Variants in CA10 observed in about 807,000 individuals in gnomAD.
CA10 encodes the protein carbonic anhydrase-related protein 10.
In CA10, 14 loss-of-function variants were observed where a neutral mutation model predicts 44.2. That is an observed-to-expected ratio of 0.32 (90% CI 0.21 to 0.50). The LOEUF is 0.50. CA10 is among the 20% of genes least tolerant of loss of function. The pLI is 0.99. For synonymous variants in CA10, 159 were observed against 141.6 expected (o/e 1.12, Z -0.87); for missense variants, 350 against 409.7 (o/e 0.85, Z 1.26).
chr17:51,803,947 A>G (rs1369907574), intron 3 of CA10, among the ~76,000 whole-genome samples: 1 of 152,144 alleles, frequency 6.6e-6, no homozygotes, highest in Non-Finnish European at 1.5e-5. Context: ...CCAGGAGCTG[A>G]GCTATTTGGT....
intron 3 of CA10, among the ~76,000 whole-genome samples, chr17:51,783,829 G>C (rs1043381934): frequency 6.6e-6 from 1 of 152,184 alleles, no homozygotes; most frequent in Non-Finnish European, 1.5e-5. Flanking sequence ...AGGTTCTGAG[G>C]TTCATCCTGG....
chr17:51,666,505 G>A (rs11656762), intron 4 of CA10, among the ~76,000 whole-genome samples: 98,609 of 151,914 alleles, frequency 0.65, 32,248 homozygotes, highest in Admixed American at 0.68. Flanking sequence ...ACCCTTTACT[G>A]TAGCGCCTTT....
At chr17:52,012,013 AG>A (rs1221986729) in intron 2 of CA10, among the ~76,000 whole-genome samples, 1 of 152,014 alleles carries the variant, frequency 6.6e-6, no homozygotes, top group Non-Finnish European at 1.5e-5. Context: ...TGAATAAGGG[AG>A]GGATTAGCCA....
At chr17:51,849,107 A>ATG (rs752872968) in intron 3 of CA10, among the ~76,000 whole-genome samples, 241 of 146,268 alleles carry the variant, frequency 1.6e-3, no homozygotes, top group Non-Finnish European at 2.6e-3. Flanking sequence ...ATGTATATAT[A>ATG]TGTGTGTGTA....
At chr17:51,954,092 G>A (rs559297816) in intron 2 of CA10, among the ~76,000 whole-genome samples, 10 of 152,186 alleles carry the variant, frequency 6.6e-5, no homozygotes, top group East Asian at 3.9e-4. Flanking sequence ...GAAAACTGAG[G>A]TTCAAAGATA....
intron 2 of CA10, among the ~76,000 whole-genome samples, chr17:51,986,779 G>A (rs1406488062): frequency 2.0e-5 from 3 of 151,952 alleles, no homozygotes; most frequent in Non-Finnish European, 4.4e-5. Flanking sequence ...CTAATGATCA[G>A]GGAAATGCAA....
At chr17:51,973,457 G>A (rs1984353694) in intron 2 of CA10, among the ~76,000 whole-genome samples, 3 of 152,176 alleles carry the variant, frequency 2.0e-5, no homozygotes, top group African/African-American at 4.8e-5. Context: ...GTATTACAGT[G>A]TACATAAGCA....
intron 3 of CA10, among the ~76,000 whole-genome samples, chr17:51,770,848 G>A (rs1905579307): frequency 1.3e-5 from 2 of 151,986 alleles, no homozygotes; most frequent in Admixed American, 6.6e-5. Flanking sequence ...GATCTCAGCC[G>A]GGCGCAGTGG....
intron 4 of CA10, among the ~76,000 whole-genome samples, chr17:51,671,287 C>T (rs1914410518): frequency 6.6e-6 from 1 of 152,276 alleles, no homozygotes; most frequent in African/African-American, 2.4e-5. Flanking sequence ...ATAGTCCAAT[C>T]CTGACTTTTC....
intron 3 of CA10, among the ~76,000 whole-genome samples, chr17:51,754,418 T>G (rs1905011241): frequency 1.3e-5 from 1 of 74,924 alleles, no homozygotes; most frequent in African/African-American, 4.5e-5. Flanking sequence ...TATATATATA[T>G]ATATATATAT....
chr17:51,871,050 C>CTTTTTT (rs56319440), intron 3 of CA10, among the ~76,000 whole-genome samples: 1 of 94,854 alleles, frequency 1.1e-5, no homozygotes, highest in Non-Finnish European at 2.2e-5. Context: ...TCCCACTTTA[C>CTTTTTT]TTTTTTTTTT....
intron 6 of CA10, among the ~76,000 whole-genome samples, chr17:51,642,418 G>A (rs1205835399): frequency 1.3e-5 from 2 of 152,166 alleles, no homozygotes; most frequent in East Asian, 3.9e-4. Context: ...GCAGTTCCAA[G>A]TTGATCTGTC....
At chr17:51,862,308 C>A (rs534186751) in intron 3 of CA10, among the ~76,000 whole-genome samples, 2 of 152,242 alleles carry the variant, frequency 1.3e-5, no homozygotes, top group South Asian at 4.2e-4. Context: ...CCCTTTTGCA[C>A]TGAGATTCTC....
At chr17:51,912,139 C>T (rs1031951448) in intron 3 of CA10, among the ~76,000 whole-genome samples, 1 of 152,160 alleles carries the variant, frequency 6.6e-6, no homozygotes, top group African/African-American at 2.4e-5. Context: ...GTATAGCAAA[C>T]TTGATGGAAT....
chr17:52,075,913 C>T (rs765552820), intron 1 of CA10, among the ~76,000 whole-genome samples: 5 of 152,156 alleles, frequency 3.3e-5, no homozygotes, highest in Non-Finnish European at 7.4e-5. Flanking sequence ...CACCCCATTA[C>T]CCCATTATAT....
chr17:51,864,603 A>G (rs1003126193), intron 3 of CA10, among the ~76,000 whole-genome samples: 10 of 152,144 alleles, frequency 6.6e-5, no homozygotes, highest in Non-Finnish European at 8.8e-5. Flanking sequence ...ACACCTTTTC[A>G]ATGGGATTTT....
chr17:51,938,188 G>T (rs781447069), intron 2 of CA10, among the ~76,000 whole-genome samples: 4 of 152,160 alleles, frequency 2.6e-5, no homozygotes, highest in Non-Finnish European at 5.9e-5. Context: ...TCACAGAGCT[G>T]TTGGGAAGAT....
At chr17:51,682,792 C>T (rs1370995833) in intron 4 of CA10, among the ~76,000 whole-genome samples, 2 of 132,310 alleles carry the variant, frequency 1.5e-5, no homozygotes, top group East Asian at 2.2e-4. Context: ...CCCTGATAAA[C>T]GTGGGGCAAA....
chr17:51,634,062 G>A (rs1445377476), intron 7 of CA10, among the ~76,000 whole-genome samples: 6 of 152,180 alleles, frequency 3.9e-5, no homozygotes, highest in African/African-American at 1.4e-4. Flanking sequence ...AAACTAAGCT[G>A]GACCAGTTTG....
Sources: allele counts gnomAD v4.1 joint callset (sites outside exome capture counted in the v4.1 genomes callset), GRCh38; gene constraint gnomAD v4.1.1; transcripts MANE v1.5; gene names NCBI Gene and HGNC (gene_info 2026-07-23, HGNC 2026-07-21).